Variants in MGLL observed in about 807,000 individuals in gnomAD.
MGLL encodes the protein lysophospholipase homolog.
In MGLL, 7 loss-of-function variants were observed where a neutral mutation model predicts 29.1. The observed-to-expected ratio is 0.24, with a 90% CI of 0.14 to 0.45. The LOEUF (loss-of-function observed/expected upper bound fraction) is 0.45, where lower values mean the gene tolerates loss of function less well. Ranked by LOEUF, MGLL falls within the 20% of genes least tolerant of loss-of-function variation. The probability of loss-of-function intolerance (pLI) is 0.99; values close to 1 mark genes in which losing one functional copy is unlikely to be tolerated. For synonymous variants in MGLL, 148 were observed against 168.3 expected (o/e 0.88, Z 0.93); for missense variants, 356 against 413.6 (o/e 0.86, Z 1.21).
chr3:127,739,411 T>C (rs1245418163), intron 3 of MGLL, among the ~76,000 whole-genome samples: 2 of 152,156 alleles, frequency 1.3e-5, no homozygotes, highest in Non-Finnish European at 2.9e-5. Flanking sequence ...GAACTAAAAG[T>C]CAAACCACTC....
At position 127,692,067 on chromosome 3, in the gene MGLL, T is replaced by C. The variant is rs1490913282; in HGVS notation, c.*131A>G. On this transcript the variant is annotated 3_prime_UTR_variant, in exon 8 of 8. Transcript: ENST00000265052. ...AAAATGTCTGTTATTTTTTAGAAAA[T>C]TGTGCTAAGGATTTCTCCAATTTCT... The C allele has an allele frequency of 6.3e-6, 8 of 1,278,638 alleles. No individual in the cohort carries two copies. The highest frequency in any genetic ancestry group is 8.6e-6 in the Non-Finnish European group (8 of 930,490). 79.2% of individuals were successfully genotyped at this position (1,278,638 alleles called of 1,614,324 possible). A position where few individuals can be genotyped will look rare whatever the true frequency, so the allele number is the denominator to read the frequency against.
intron 3 of MGLL, among the ~76,000 whole-genome samples, chr3:127,744,320 C>T (rs1483213865): frequency 6.6e-6 from 1 of 152,208 alleles, no homozygotes; most frequent in Non-Finnish European, 1.5e-5. Flanking sequence ...TGGCATCTAG[C>T]AAGATGATCT....
chr3:127,778,267 A>T (rs111863736), intron 3 of MGLL, among the ~76,000 whole-genome samples: 7,671 of 152,224 alleles, frequency 0.05, 297 homozygotes, highest in South Asian at 0.2. Flanking sequence ...CTATTGCTTC[A>T]CTGTATCTTC....
At chr3:127,720,373 C>T (rs138785533) in intron 5 of MGLL, among the ~76,000 whole-genome samples, 1 of 152,302 alleles carries the variant, frequency 6.6e-6, no homozygotes, top group African/African-American at 2.4e-5. Flanking sequence ...CGGGTCTAAA[C>T]TGATACCTTG....
intron 3 of MGLL, among the ~76,000 whole-genome samples, chr3:127,760,867 A>G (rs1470215158): frequency 2.6e-5 from 4 of 152,222 alleles, no homozygotes; most frequent in Non-Finnish European, 5.9e-5. Flanking sequence ...TGTTTCCTCC[A>G]TAGGGACGTT....
chr3:127,811,179 C>A (rs1327433105), intron 2 of MGLL, among the ~76,000 whole-genome samples: 10 of 149,656 alleles, frequency 6.7e-5, no homozygotes, highest in Admixed American at 2.0e-4. Flanking sequence ...CAGGAATCAT[C>A]CTCTCTCAGT....
intron 3 of MGLL, among the ~76,000 whole-genome samples, chr3:127,781,353 GT>G (rs1664654753): frequency 6.6e-6 from 1 of 152,190 alleles, no homozygotes; most frequent in Non-Finnish European, 1.5e-5. Context: ...AATATGGCCT[GT>G]TGAGGCTTCT....
intron 3 of MGLL, among the ~76,000 whole-genome samples, chr3:127,763,582 G>A (rs1220538119): frequency 6.6e-6 from 1 of 152,224 alleles, no homozygotes. Flanking sequence ...CAACCTGGGT[G>A]GGGACATCTC....
chr3:127,711,166 A>T (rs1431770875), intron 5 of MGLL: 2 of 195,060 alleles, frequency 1.0e-5, no homozygotes, highest in African/African-American at 4.5e-5. Context: ...CACCAGCTCG[A>T]TGAGGAGGCT....
intron 3 of MGLL, among the ~76,000 whole-genome samples, chr3:127,728,814 T>C (rs1214751491): frequency 6.6e-6 from 1 of 152,212 alleles, no homozygotes; most frequent in Non-Finnish European, 1.5e-5. Context: ...CCCCTCCATG[T>C]GGGAGTGTCA....
chr3:127,769,102 G>A lies in MGLL; in HGVS notation c.262+12687C>T, dbSNP rs141139382. Among the ~76,000 whole-genome samples the A allele has an allele frequency of 6.6e-3, 1,001 of 152,262 alleles. 5 individuals carry two copies. The highest frequency in any genetic ancestry group is 0.019 in the African/African-American group (805 of 41,550). On this transcript the variant is annotated intron_variant, in intron 3 of 7. Coordinates refer to ENST00000265052, the MANE Select transcript of MGLL (RefSeq NM_007283.7). ...AGCGGTGGCTTATGCCTGTAATCCC[G>A]GCACTTTGGGAGGCTGAGGTGGGCA... is the stretch of plus-strand genomic sequence containing the variant.
chr3:127,812,406 A>C (rs2077677579), intron 2 of MGLL, among the ~76,000 whole-genome samples: 1 of 152,244 alleles, frequency 6.6e-6, no homozygotes, highest in South Asian at 2.1e-4. Context: ...GAAGTTTATC[A>C]GGGAGCCTGA....
intron 3 of MGLL, among the ~76,000 whole-genome samples, chr3:127,726,119 GGAAAGAAAGAAAGAAA>G (rs869029966): frequency 1.4e-3 from 103 of 75,150 alleles, no homozygotes; most frequent in Middle Eastern, 7.7e-3. Flanking sequence ...AAAGAAAGCA[GGAAAGAAAGAAAGAAA>G]GAAAGAAAGA....
intron 6 of MGLL, among the ~76,000 whole-genome samples, chr3:127,698,557 C>G (rs1030553337): frequency 2.6e-5 from 4 of 152,080 alleles, no homozygotes; most frequent in Non-Finnish European, 5.9e-5. Flanking sequence ...AAACAGAGAC[C>G]AGACTCACGG....
chr3:127,742,960 G>A (rs1156665301), intron 3 of MGLL, among the ~76,000 whole-genome samples: 3 of 152,148 alleles, frequency 2.0e-5, no homozygotes, highest in Admixed American at 2.0e-4. Context: ...GATTACAGGT[G>A]CCCACCACCA....
Position 127,689,339 on chromosome 3 carries a change from C to T in MGLL, c.*2859G>A, listed in dbSNP as rs9383. 79,025 of 152,074 alleles carry T rather than the reference C, an allele frequency of 0.52. 20,866 individuals are homozygous for T. The highest frequency in any genetic ancestry group is 0.64 in the East Asian group (3,325 of 5,158). The allele number at this position is 152,074 out of a possible 1,614,324, so 9.4% of individuals were successfully genotyped here. A position where few individuals can be genotyped will look rare whatever the true frequency, so the allele number is the denominator to read the frequency against. On this transcript the variant is annotated 3_prime_UTR_variant, in exon 8 of 8. Transcript: ENST00000265052. ...TTCAGAGCACCCACCAGTGCTCCCT[C>T]GGTGAGCCCAGCACCACCTGGAAGT... is the stretch of plus-strand genomic sequence containing the variant.
At chr3:127,776,594 G>GC (rs1442594015) in intron 3 of MGLL, among the ~76,000 whole-genome samples, 8 of 150,972 alleles carry the variant, frequency 5.3e-5, no homozygotes, top group Non-Finnish European at 1.2e-4. Flanking sequence ...CTGAGCTGCG[G>GC]GCCTTGTGGC....
chr3:127,725,590 C>T (rs1313542767), intron 3 of MGLL, among the ~76,000 whole-genome samples: 1 of 152,200 alleles, frequency 6.6e-6, no homozygotes, highest in Non-Finnish European at 1.5e-5. Flanking sequence ...TCCTGAAGAT[C>T]TTCCAACGTT....
At chr3:127,739,031 G>GA (rs1377117544) in intron 3 of MGLL, among the ~76,000 whole-genome samples, 1 of 152,204 alleles carries the variant, frequency 6.6e-6, no homozygotes, top group African/African-American at 2.4e-5. Flanking sequence ...GCACCAGGTG[G>GA]AATGAAGGAA....
Sources: gnomAD v4.1 joint callset for allele counts (sites outside exome capture counted in the v4.1 genomes callset) on GRCh38, gnomAD v4.1.1 for gene constraint, MANE v1.5 for transcripts, NCBI Gene and HGNC (gene_info 2026-07-23, HGNC 2026-07-21) for gene names.